The following TANGO6 variants were observed in gnomAD, a reference collection of about 807,000 sequenced individuals.
The protein encoded by TANGO6 is transport and golgi organization 6 homolog.
A neutral mutation model predicts 114.2 loss-of-function variants in TANGO6; 90 were observed. That is an observed-to-expected ratio of 0.79 (90% CI 0.66 to 0.94). The LOEUF is 0.94. Ranked by LOEUF, TANGO6 falls within the 40% of genes least tolerant of loss-of-function variation. The probability of loss-of-function intolerance (pLI) is 0.00; values close to 1 mark genes in which losing one functional copy is unlikely to be tolerated. For synonymous variants in TANGO6, 477 were observed against 509.8 expected (o/e 0.94, Z 0.87); for missense variants, 1,274 against 1,315.3 (o/e 0.97, Z 0.49).
chr16:68,863,435 T>A (rs979379110), intron 3 of TANGO6, among the ~76,000 whole-genome samples: 4 of 152,134 alleles, frequency 2.6e-5, no homozygotes, highest in Admixed American at 2.6e-4. Context: ...AGAAACCCTG[T>A]CTCTACTAAC....
chr16:68,975,681 C>G (rs1312724806), intron 15 of TANGO6, among the ~76,000 whole-genome samples: 1 of 151,884 alleles, frequency 6.6e-6, no homozygotes, highest in Non-Finnish European at 1.5e-5. Flanking sequence ...CCTCAGCCTC[C>G]CACATAGCTG....
chr16:69,050,408 C>T (rs1959929630), intron 17 of TANGO6, among the ~76,000 whole-genome samples: 1 of 152,020 alleles, frequency 6.6e-6, no homozygotes, highest in Non-Finnish European at 1.5e-5. Flanking sequence ...GTGGCACGAT[C>T]ATGGCTCGGT....
At chr16:68,886,334 C>T (rs1176895450) in intron 7 of TANGO6, among the ~76,000 whole-genome samples, 1 of 151,766 alleles carries the variant, frequency 6.6e-6, no homozygotes, top group Non-Finnish European at 1.5e-5. Flanking sequence ...CCTACTACCT[C>T]AGCCTCCCAT....
intron 11 of TANGO6, among the ~76,000 whole-genome samples, chr16:68,916,685 C>T (rs1428273078): frequency 2.0e-5 from 3 of 152,092 alleles, no homozygotes; most frequent in Non-Finnish European, 1.5e-5. Flanking sequence ...GAGGAAACCT[C>T]CTTTTGAGAA....
At chr16:68,954,355 C>T (rs143987839) in intron 14 of TANGO6, among the ~76,000 whole-genome samples, 76 of 151,626 alleles carry the variant, frequency 5.0e-4, no homozygotes, top group African/African-American at 1.5e-3. Context: ...ACTGCATGAA[C>T]GCCTGTGCCC....
intron 17 of TANGO6, among the ~76,000 whole-genome samples, chr16:69,070,656 A>G (rs540426841): frequency 2.8e-4 from 42 of 149,788 alleles, no homozygotes; most frequent in African/African-American, 9.5e-4. Context: ...ACAAAAAAAC[A>G]CACACAAAAG....
At chr16:69,037,250 G>A (rs1005999484) in intron 16 of TANGO6, among the ~76,000 whole-genome samples, 3 of 152,106 alleles carry the variant, frequency 2.0e-5, no homozygotes, top group South Asian at 4.1e-4. Flanking sequence ...CCAACTGTGA[G>A]AGCCAGCCTT....
intron 1 of TANGO6, among the ~76,000 whole-genome samples, chr16:68,844,736 T>C (rs970422481): frequency 1.3e-5 from 2 of 152,092 alleles, no homozygotes; most frequent in Non-Finnish European, 2.9e-5. Context: ...TAATCCTCAT[T>C]ACGATCCCCT....
chr16:68,883,331 G>C (rs1324003127), intron 7 of TANGO6, among the ~76,000 whole-genome samples: 1 of 152,226 alleles, frequency 6.6e-6, no homozygotes, highest in Admixed American at 6.5e-5. Flanking sequence ...GCAAAACCCT[G>C]TCTCTACTAA....
At position 68,858,671 on chromosome 16, in the gene TANGO6, C is replaced by T. The variant is rs76089770; in HGVS notation, c.95-1213C>T. ...ATTTTTTTTTTAATGTTTTTAGAGA[C>T]GGGCTCTCCCTACATTGCCCAGGCT... is the stretch of plus-strand genomic sequence containing the variant. On this transcript the variant is annotated intron_variant, in intron 1 of 17. Coordinates refer to ENST00000261778, the MANE Select transcript of TANGO6 (RefSeq NM_024562.2). 1.2e-3 allele frequency among the ~76,000 whole-genome samples: 183 copies of T among 151,846 alleles called. No individual in the cohort carries two copies. The East Asian group carries it at 0.031, about 26-fold the overall frequency.
intron 12 of TANGO6, among the ~76,000 whole-genome samples, chr16:68,922,242 TA>T (rs1196767767): frequency 2.7e-3 from 363 of 135,746 alleles, no homozygotes; most frequent in Admixed American, 3.1e-3. Context: ...AAAACAAAAT[TA>T]AAAAAAAAAA....
chr16:69,005,102 G>T (rs1189962357), intron 15 of TANGO6, among the ~76,000 whole-genome samples: 3 of 152,076 alleles, frequency 2.0e-5, no homozygotes, highest in Non-Finnish European at 2.9e-5. Flanking sequence ...AACCCCAAAG[G>T]CATGAGACCT....
Position 68,930,223 on chromosome 16 carries a change from A to G in TANGO6, c.2644-15A>G. ...TCTTTGTAAATCTTATCACTGCTGTATTTTGTGGTTCCAGATATTCTTGGA... is the reference window on the plus strand; with the variant it reads ...TCTTTGTAAATCTTATCACTGCTGTGTTTTGTGGTTCCAGATATTCTTGGA... On this transcript the variant is annotated splice_polypyrimidine_tract_variant and intron_variant, in intron 13 of 17. Coordinates refer to ENST00000261778, the MANE Select transcript of TANGO6 (RefSeq NM_024562.2). The G allele has an allele frequency of 6.4e-7, 1 of 1,551,142 alleles. No individual in the cohort carries two copies. The highest frequency in any genetic ancestry group is 8.7e-7 in the Non-Finnish European group (1 of 1,146,128).
At chr16:68,949,143 G>A (rs922377626) in intron 14 of TANGO6, among the ~76,000 whole-genome samples, 2 of 151,896 alleles carry the variant, frequency 1.3e-5, no homozygotes, top group Admixed American at 6.6e-5. Context: ...CCGAGATCGC[G>A]CCATTGCCCT....
chr16:69,053,290 A>G (rs992679250), intron 17 of TANGO6, among the ~76,000 whole-genome samples: 4 of 152,010 alleles, frequency 2.6e-5, no homozygotes, highest in Non-Finnish European at 5.9e-5. Flanking sequence ...ATTTAGTTAC[A>G]TTACAGTTTT....
In TANGO6 at chr16:68,927,968, T is replaced by C. The variant is rs1193283820; in HGVS notation, c.2528T>C (p.Leu843Pro). 1 of 1,613,620 alleles carries C rather than the reference T, an allele frequency of 6.2e-7. No homozygotes were observed. The highest frequency in any genetic ancestry group is 2.2e-5 in the East Asian group (1 of 44,890). Residue 843 changes from leucine to proline, a missense_variant, in exon 13 of 18, where the codon CTT (leucine) becomes CCT (proline). By Grantham distance (98) the Leu-to-Pro change is moderately conservative (BLOSUM62 -3). Around this residue, in one of 5 missense-constraint regions of TANGO6, gnomAD observed 908 missense variants for 910.2 expected, o/e 1.00. Transcript: ENST00000261778. ...ACCACAGAACAGCTCCAAGAGGTTCTTTTGTCAGCTTATGACCCTCAAATT... is the reference window on the plus strand; with the variant it reads ...ACCACAGAACAGCTCCAAGAGGTTCCTTTGTCAGCTTATGACCCTCAAATT... ...SVTTEQLQEV[L>P]LSAYDPQIPT...
intron 17 of TANGO6, among the ~76,000 whole-genome samples, chr16:69,052,271 T>A (rs1359345187): frequency 1.8e-5 from 1 of 55,254 alleles, no homozygotes; most frequent in Non-Finnish European, 6.8e-5. Flanking sequence ...TTTCTTTTCT[T>A]TTTTTTTTTT....
intron 11 of TANGO6, among the ~76,000 whole-genome samples, chr16:68,912,516 T>C (rs996293201): frequency 2.0e-5 from 3 of 151,896 alleles, no homozygotes; most frequent in Non-Finnish European, 4.4e-5. Context: ...GTGCCTATAA[T>C]CCCAACTACT....
intron 17 of TANGO6, among the ~76,000 whole-genome samples, chr16:69,081,875 C>T (rs1960470229): frequency 6.6e-6 from 1 of 151,840 alleles, no homozygotes; most frequent in Non-Finnish European, 1.5e-5. Context: ...ACTCTGTTGC[C>T]CAGGCTGGAG....
Sources: gnomAD v4.1 joint callset for allele counts (sites outside exome capture counted in the v4.1 genomes callset) on GRCh38, gnomAD v4.1.1 for gene constraint, gnomAD v4.1.1 regional missense constraint, MANE v1.5 for transcripts, NCBI Gene and HGNC (gene_info 2026-07-23, HGNC 2026-07-21) for gene names.